SMURF1: variants seen among roughly 807,000 people sequenced by gnomAD.
The protein encoded by SMURF1 is E3 ubiquitin-protein ligase SMURF1.
SMURF1 carries 44 observed loss-of-function variants against 98.0 expected under a neutral mutation model. That is an observed-to-expected ratio of 0.45 (90% CI 0.35 to 0.58). The LOEUF (loss-of-function observed/expected upper bound fraction) is 0.58, where lower values mean the gene tolerates loss of function less well. Ranked by LOEUF, SMURF1 falls within the 20% of genes least tolerant of loss-of-function variation. The probability of loss-of-function intolerance (pLI) is 0.00; values close to 1 mark genes in which losing one functional copy is unlikely to be tolerated. For synonymous variants in SMURF1, 396 were observed against 374.9 expected (o/e 1.06, Z -0.65); for missense variants, 687 against 938.4 (o/e 0.73, Z 3.50).
chr7:99,124,285 C>T (rs1359263855), intron 1 of SMURF1, among the ~76,000 whole-genome samples: 1 of 152,194 alleles, frequency 6.6e-6, no homozygotes, highest in East Asian at 1.9e-4. Flanking sequence ...AACCCACACT[C>T]CAAGTGGTGG....
chr7:99,111,354 G>T (rs907748967), intron 1 of SMURF1, among the ~76,000 whole-genome samples: 1 of 152,168 alleles, frequency 6.6e-6, no homozygotes, highest in African/African-American at 2.4e-5. Context: ...GTTGATGATG[G>T]TATAGAGAAA....
intron 1 of SMURF1, among the ~76,000 whole-genome samples, chr7:99,124,921 G>A (rs1797713048): frequency 6.6e-6 from 1 of 152,176 alleles, no homozygotes; most frequent in African/African-American, 2.4e-5. Context: ...GGGCCAAATA[G>A]AAACCTGACA....
chr7:99,030,955 C>G (rs952271307), intron 17 of SMURF1: 29 of 334,022 alleles, frequency 8.7e-5, no homozygotes, highest in Non-Finnish European at 1.1e-5. Context: ...CTGCCTTGCC[C>G]TCTCAACGTG....
At chr7:99,108,964 A>C (rs899601248) in intron 1 of SMURF1, among the ~76,000 whole-genome samples, 2 of 152,160 alleles carry the variant, frequency 1.3e-5, no homozygotes, top group African/African-American at 4.8e-5. Flanking sequence ...ATGTTAAGGG[A>C]ATAGCATGAT....
intron 1 of SMURF1, among the ~76,000 whole-genome samples, chr7:99,063,277 A>AAGATTTT (rs1179327687): frequency 1.5e-4 from 3 of 20,288 alleles, no homozygotes; most frequent in Admixed American, 7.6e-4. Context: ...ATATATATAT[A>AAGATTTT]TATATATATA....
chr7:99,132,791 G>A (rs1797901709), intron 1 of SMURF1, among the ~76,000 whole-genome samples: 1 of 152,026 alleles, frequency 6.6e-6, no homozygotes, highest in East Asian at 1.9e-4. Flanking sequence ...GACTGGGGTG[G>A]AGAATAAGGC....
intron 1 of SMURF1, among the ~76,000 whole-genome samples, chr7:99,101,246 C>A (rs1303530128): frequency 6.6e-6 from 1 of 152,134 alleles, no homozygotes; most frequent in African/African-American, 2.4e-5. Context: ...GTGGTGTGTG[C>A]CTGTAGTCCC....
chr7:99,065,368 G>A (rs936731806), intron 1 of SMURF1, among the ~76,000 whole-genome samples: 2 of 152,158 alleles, frequency 1.3e-5, no homozygotes, highest in Non-Finnish European at 2.9e-5. Context: ...GATTACAGAC[G>A]TGAGCTGCTG....
chr7:99,083,686 A>C (rs1796616202), intron 1 of SMURF1, among the ~76,000 whole-genome samples: 1 of 152,248 alleles, frequency 6.6e-6, no homozygotes, highest in Non-Finnish European at 1.5e-5. Context: ...TTGATTTTTC[A>C]AGGATCTCGA....
intron 1 of SMURF1, among the ~76,000 whole-genome samples, chr7:99,133,930 T>C (rs1051465661): frequency 1.3e-4 from 20 of 152,206 alleles, no homozygotes; most frequent in African/African-American, 4.3e-4. Context: ...AATACAAAGT[T>C]CAAAAACAGG....
intron 17 of SMURF1, among the ~76,000 whole-genome samples, chr7:99,032,624 G>GTGCCACTGCACTCCATCC (rs1237617644): frequency 2.6e-5 from 4 of 152,210 alleles, no homozygotes; most frequent in Non-Finnish European, 5.9e-5. Flanking sequence ...AGCCGAGATC[G>GTGCCACTGCACTCCATCC]TGCCACTGCA....
chr7:99,066,466 C>T (rs922804172), intron 1 of SMURF1, among the ~76,000 whole-genome samples: 18 of 152,296 alleles, frequency 1.2e-4, no homozygotes, highest in South Asian at 2.1e-4. Context: ...AAGGTCTCAG[C>T]AGTGTTAGCA....
intron 1 of SMURF1, among the ~76,000 whole-genome samples, chr7:99,062,905 ATTATT>A (rs1005750693): frequency 1.3e-5 from 2 of 152,002 alleles, no homozygotes; most frequent in African/African-American, 4.8e-5. Context: ...TAAGGTTCTT[ATTATT>A]TTATTAATGA....
At chr7:99,130,398 A>G (rs1015507040) in intron 1 of SMURF1, among the ~76,000 whole-genome samples, 1 of 152,236 alleles carries the variant, frequency 6.6e-6, no homozygotes, top group Admixed American at 6.5e-5. Flanking sequence ...GATTGCAGTG[A>G]GCTAAGATCA....
At chr7:99,120,140 T>G (rs1003224557) in intron 1 of SMURF1, among the ~76,000 whole-genome samples, 4 of 152,156 alleles carry the variant, frequency 2.6e-5, no homozygotes, top group Non-Finnish European at 5.9e-5. Context: ...TCCCTCACCA[T>G]GTGATGCCTG....
chr7:99,113,788 G>A (rs1367816643), intron 1 of SMURF1, among the ~76,000 whole-genome samples: 5 of 130,392 alleles, frequency 3.8e-5, no homozygotes, highest in African/African-American at 5.9e-5. Context: ...GCAGTGAGCC[G>A]AGATCATGCC....
At chr7:99,085,353 CAAA>C (rs992976220) in intron 1 of SMURF1, among the ~76,000 whole-genome samples, 5 of 52,322 alleles carry the variant, frequency 9.6e-5, no homozygotes, top group Admixed American at 2.0e-4. Flanking sequence ...AACTCCATCT[CAAA>C]AAAAAAAAAA....
rs890436432 is a variant in SMURF1 at position 99,100,365 on chromosome 7, G to C, written c.56-38528C>G. On this transcript the variant is annotated intron_variant, in intron 1 of 17. Transcript: ENST00000361368. ...AGGTCAGGAATTAGAGGCCAGCCTGGCCAACATGGTGAAACCCCGTCTCTA... is the reference window on the plus strand; with the variant it reads ...AGGTCAGGAATTAGAGGCCAGCCTGCCCAACATGGTGAAACCCCGTCTCTA... Among the ~76,000 whole-genome samples, 20 of 152,314 alleles carry C rather than the reference G, an allele frequency of 1.3e-4. 1 individual carries two copies. The East Asian group carries it at 3.7e-3, about 28-fold the overall frequency.
rs200251947 is a variant in SMURF1, at chr7:99,106,021, AC to A, written c.55+37704del. Reference sequence around the variant, plus strand: ...AGTTCACATGCCACATCCTACACAAACCTTCCTCAAATCCCTCCAGCTGGAA... The same window carrying A: ...AGTTCACATGCCACATCCTACACAAACTTCCTCAAATCCCTCCAGCTGGAA... On this transcript the variant is annotated intron_variant, in intron 1 of 17. Coordinates refer to ENST00000361368, the MANE Select transcript of SMURF1 (RefSeq NM_181349.3). Among the ~76,000 whole-genome samples the A allele has an allele frequency of 2.1e-4, 32 of 152,126 alleles. No individual in the cohort carries two copies. The East Asian group carries it at 6.2e-3, about 29-fold the overall frequency.
Sources: allele counts gnomAD v4.1 joint callset (sites outside exome capture counted in the v4.1 genomes callset), GRCh38; gene constraint gnomAD v4.1.1; transcripts MANE v1.5; gene names NCBI Gene and HGNC (gene_info 2026-07-23, HGNC 2026-07-21).